The following ACTR3C variants were observed in gnomAD, a reference collection of about 807,000 sequenced individuals.
ACTR3C encodes the protein actin-related protein 3C.
A neutral mutation model predicts 26.3 loss-of-function variants in ACTR3C; 18 were observed. That is an observed-to-expected ratio of 0.68 (90% confidence interval 0.47 to 1.01). The LOEUF (loss-of-function observed/expected upper bound fraction) is 1.01, where lower values mean the gene tolerates loss of function less well. Among genes scored for constraint, ACTR3C ranks in the 50% least tolerant of loss-of-function variants. The pLI, the probability that ACTR3C is intolerant of heterozygous loss-of-function variation, is 0.00. For missense variants in ACTR3C, 184 were observed against 250.7 expected, an observed-to-expected ratio of 0.73 and a Z score of 1.80; for synonymous variants, 55 against 94.5, an observed-to-expected ratio of 0.58 and a Z score of 2.42.
the ACTR3C span, among the ~76,000 whole-genome samples, chr7:150,141,605 G>C: frequency 6.6e-6 from 1 of 152,008 alleles, no homozygotes; most frequent in Non-Finnish European, 1.5e-5. Context: ...GATGGGAACG[G>C]AGAGGAGGCC....
At chr7:150,037,571 A>T in the ACTR3C span, among the ~76,000 whole-genome samples, 320 of 13,284 alleles carry the variant, frequency 0.024, 6 homozygotes, top group African/African-American at 0.085. Context: ...GGTCCTAAGA[A>T]CCCGGGGGGG....
chr7:150,037,894 G>A, the ACTR3C span, among the ~76,000 whole-genome samples: 1 of 132,608 alleles, frequency 7.5e-6, no homozygotes, highest in Non-Finnish European at 1.7e-5. Context: ...GGGGGAAGAG[G>A]GGCTCGCTCT....
At chr7:150,201,892 G>A in the ACTR3C span, among the ~76,000 whole-genome samples, 7,476 of 152,174 alleles carry the variant, frequency 0.049, 281 homozygotes, top group African/African-American at 0.096. Flanking sequence ...GAGCTATAAT[G>A]TAACTGGTAG....
At chr7:150,279,098 T>A (rs1367561429) in intron 6 of ACTR3C, among the ~76,000 whole-genome samples, 1 of 152,110 alleles carries the variant, frequency 6.6e-6, no homozygotes, top group Admixed American at 6.5e-5. Flanking sequence ...AGGCCAGGCG[T>A]TTAAGACCAG....
chr7:150,154,445 G>T, the ACTR3C span, among the ~76,000 whole-genome samples: 2 of 151,524 alleles, frequency 1.3e-5, no homozygotes, highest in Non-Finnish European at 2.9e-5. Context: ...GCGATTTGTT[G>T]GTCTAGATGG....
At chr7:149,936,272 T>C in the ACTR3C span, among the ~76,000 whole-genome samples, 1 of 152,304 alleles carries the variant, frequency 6.6e-6, no homozygotes, top group South Asian at 2.1e-4. Context: ...CTGGCTTCTA[T>C]AACTTTTCCC....
intron 5 of ACTR3C, among the ~76,000 whole-genome samples, chr7:150,285,788 C>T (rs2689589): frequency 0.22 from 33,230 of 151,888 alleles, 5,568 homozygotes; most frequent in African/African-American, 0.46. Context: ...AATGTGCCTC[C>T]TAATTACTGC....
the ACTR3C span, among the ~76,000 whole-genome samples, chr7:150,129,114 T>G: frequency 6.6e-6 from 1 of 151,416 alleles, no homozygotes; most frequent in Non-Finnish European, 1.5e-5. Flanking sequence ...TGTGTAAAAA[T>G]GTGAGTGTGA....
At chr7:150,318,566 A>G (rs1797175555) in intron 1 of ACTR3C, among the ~76,000 whole-genome samples, 1 of 152,214 alleles carries the variant, frequency 6.6e-6, no homozygotes, top group Non-Finnish European at 1.5e-5. Context: ...GTTCAAGACC[A>G]GCCTGGCCAA....
At chr7:150,231,327 A>T in the ACTR3C span, among the ~76,000 whole-genome samples, 1 of 151,988 alleles carries the variant, frequency 6.6e-6, no homozygotes, top group Admixed American at 6.6e-5. Flanking sequence ...TTGGAGGTGG[A>T]TCTCTCCTGA....
the ACTR3C span, among the ~76,000 whole-genome samples, chr7:150,042,486 TC>T: frequency 0.33 from 44,086 of 135,148 alleles, 6,307 homozygotes; most frequent in East Asian, 0.56. Flanking sequence ...AGGTTCGCAG[TC>T]CCCGCCTCGC....
chr7:149,885,584 T>G, the ACTR3C span, among the ~76,000 whole-genome samples: 5 of 152,252 alleles, frequency 3.3e-5, no homozygotes, highest in Non-Finnish European at 7.3e-5. Flanking sequence ...GACCTCCGCC[T>G]TGGCTCCCTA....
intron 6 of ACTR3C, among the ~76,000 whole-genome samples, chr7:150,276,356 C>T (rs1376123520): frequency 1.3e-5 from 2 of 152,166 alleles, no homozygotes; most frequent in Non-Finnish European, 2.9e-5. Flanking sequence ...CTTCCCCTCT[C>T]CCTGCTATTT....
At chr7:150,232,952 T>A in the ACTR3C span, among the ~76,000 whole-genome samples, 1 of 152,198 alleles carries the variant, frequency 6.6e-6, no homozygotes, top group African/African-American at 2.4e-5. Context: ...ACTAATCATA[T>A]GATACCATCA....
chr7:150,266,085 G>A (rs1471600542), intron 6 of ACTR3C, among the ~76,000 whole-genome samples: 1 of 148,374 alleles, frequency 6.7e-6, no homozygotes, highest in African/African-American at 2.6e-5. Context: ...AGAGTCCAGT[G>A]CAGGGTAAGA....
the ACTR3C span, among the ~76,000 whole-genome samples, chr7:150,039,947 G>C: frequency 1.4e-3 from 183 of 133,170 alleles, no homozygotes; most frequent in African/African-American, 2.1e-3. Context: ...GGGGAGGAAA[G>C]GGGGAGGTTC....
the ACTR3C span, chr7:150,004,282 G>A: frequency 1.3e-5 from 2 of 151,882 alleles, no homozygotes; most frequent in African/African-American, 4.8e-5. Flanking sequence ...TGTGGTATTC[G>A]AAGGTAAGAG....
chr7:149,924,364 A>T, the ACTR3C span, among the ~76,000 whole-genome samples: 1 of 151,478 alleles, frequency 6.6e-6, no homozygotes, highest in Non-Finnish European at 1.5e-5. Flanking sequence ...AACAAGAGTG[A>T]AACTCTGACT....
At chr7:150,290,563 A>C (rs1836169684) in intron 3 of ACTR3C, among the ~76,000 whole-genome samples, 1 of 152,156 alleles carries the variant, frequency 6.6e-6, no homozygotes, top group Non-Finnish European at 1.5e-5. Context: ...AAGGGAACAG[A>C]AGTGAAACGC....
Sources: allele counts gnomAD v4.1 joint callset (sites outside exome capture counted in the v4.1 genomes callset), GRCh38; gene constraint gnomAD v4.1.1; transcripts MANE v1.5; gene names NCBI Gene and HGNC (gene_info 2026-07-23, HGNC 2026-07-21).